The following SYT11 variants were observed in gnomAD, a reference collection of about 807,000 sequenced individuals.
SYT11 encodes the protein synaptotagmin-11.
In SYT11, 12 loss-of-function variants were observed where a neutral mutation model predicts 30.4. The observed-to-expected ratio is 0.39, with a 90% CI of 0.25 to 0.64. The LOEUF is 0.64. Ranked by LOEUF, SYT11 falls within the 30% of genes least tolerant of loss-of-function variation. The pLI, the probability that SYT11 is intolerant of heterozygous loss-of-function variation, is 0.45. For missense variants in SYT11, 412 were observed against 552.0 expected, an observed-to-expected ratio of 0.75 and a Z score of 2.54; for synonymous variants, 204 against 216.0, an observed-to-expected ratio of 0.94 and a Z score of 0.49.
At chr1:155,870,372 G>C (rs562605959) in intron 2 of SYT11, among the ~76,000 whole-genome samples, 1 of 152,156 alleles carries the variant, frequency 6.6e-6, no homozygotes, top group African/African-American at 2.4e-5. Context: ...AATTGTGACC[G>C]TTACTATTAT....
intron 1 of SYT11, 59 bp downstream of exon 1, chr1:155,859,854 G>A: frequency 6.5e-7 from 1 of 1,527,534 alleles, no homozygotes; most frequent in South Asian, 1.1e-5. Context: ...AGGCCAAGGG[G>A]GCCCAGCGGC....
intron 1 of SYT11, among the ~76,000 whole-genome samples, chr1:155,861,993 G>T (rs974068175): frequency 6.6e-6 from 1 of 152,184 alleles, no homozygotes; most frequent in African/African-American, 2.4e-5. Context: ...TTGTCTACTT[G>T]ACTGCGAAAA....
intron 1 of SYT11, 52 bp from the exon 2 acceptor site, chr1:155,867,913 G>A: frequency 1.4e-6 from 2 of 1,387,576 alleles, no homozygotes; most frequent in Non-Finnish European, 2.0e-6. Context: ...GGGAGATCTA[G>A]ACAGGAGGTG....
Position 155,884,416 on chromosome 1 carries a change from C to T in SYT11, c.*2908C>T, listed in dbSNP as rs1673033833. On this transcript the variant is annotated 3_prime_UTR_variant, in exon 4 of 4. Coordinates refer to ENST00000368324, the MANE Select transcript of SYT11 (RefSeq NM_152280.5). Reference sequence around the variant, plus strand: ...CTAGGAACTGCCTCAGTGTCTTTGCCAGAAAAAGGCAAAGAGGCGGACAGT... The same window carrying T: ...CTAGGAACTGCCTCAGTGTCTTTGCTAGAAAAAGGCAAAGAGGCGGACAGT... 2 of 152,828 alleles carry T rather than the reference C, an allele frequency of 1.3e-5. No homozygotes were observed. The highest frequency in any genetic ancestry group is 1.3e-4 in the Admixed American group (2 of 15,270). The allele number at this position is 152,828 out of a possible 1,614,324, so 9.5% of individuals were successfully genotyped here.
chr1:155,871,452 T>C lies in SYT11; in HGVS notation c.861+2661T>C, dbSNP rs140275859. The stretch of plus-strand genomic sequence containing the variant: ...AACCAGCTGGACTCCTCCAGACAGC[T>C]ATACACTTGCAGCCCAAGGCTGGGA... On this transcript the variant is annotated intron_variant, in intron 2 of 3. Transcript: ENST00000368324. Among the ~76,000 whole-genome samples the C allele has an allele frequency of 3.3e-5, 5 of 152,312 alleles. No homozygotes were observed. In the East Asian group the frequency reaches 5.8e-4, roughly 18 times the overall value.
chr1:155,877,374 G>A (rs1354063082), intron 2 of SYT11, among the ~76,000 whole-genome samples: 1 of 151,882 alleles, frequency 6.6e-6, no homozygotes, highest in Non-Finnish European at 1.5e-5. Flanking sequence ...AAAGTGCTGG[G>A]AATAGAGTCG....
At chr1:155,859,849 A>G (rs1672521503) in intron 1 of SYT11, 54 bp downstream of exon 1, 2 of 1,549,396 alleles carry the variant, frequency 1.3e-6, no homozygotes, top group Non-Finnish European at 1.8e-6. Context: ...TTGCAAGGCC[A>G]AGGGGGCCCA....
In SYT11 at chr1:155,868,563, G is replaced by A. The variant is rs1672727407; in HGVS notation, c.633G>A (p.Lys211=). Residue 211 remains lysine, a synonymous_variant, in exon 2 of 4, where the codon AAG becomes AAA. Transcript: ENST00000368324. This position sits in a 1 kb window ranked among gnomAD's most constrained non-coding sequence, Gnocchi z 4.7. ...TTCCTGACAAACGGCATCGGGTGAA[G>A]ACCAGAGTGCTGCGGAAGACCCTGG... The part of the protein sequence containing the change: ...TILPDKRHRV[K]TRVLRKTLDP... 6.2e-7 allele frequency: 1 copy of A among 1,614,200 alleles called. No individual in the cohort carries two copies. The highest frequency in any genetic ancestry group is 8.5e-7 in the Non-Finnish European group (1 of 1,180,032).
In SYT11 at chr1:155,868,542, T is replaced by C. The variant is rs1166493541; in HGVS notation, c.612T>C (p.Pro204=). 2.5e-6 allele frequency: 4 copies of C among 1,614,190 alleles called. No individual in the cohort carries two copies. Among genetic ancestry groups the C allele is most frequent in the South Asian group, 1.1e-5 (1 of 91,084 alleles). ...CCTACATCAAAATGACCATCCTTCC[T>C]GACAAACGGCATCGGGTGAAGACCA... ...SDPYIKMTIL[P]DKRHRVKTRV... The change falls in exon 2 of 4, where the codon CCT becomes CCC. Residue 204 remains proline (P), a synonymous_variant. Transcript: ENST00000368324. This position sits in a 1 kb window ranked among gnomAD's most constrained non-coding sequence, Gnocchi z 4.7.
In SYT11 at chr1:155,859,577, C is replaced by T. The variant is rs546801716; in HGVS notation, c.-185C>T. On this transcript the variant is annotated 5_prime_UTR_variant, in exon 1 of 4. Coordinates refer to ENST00000368324, the MANE Select transcript of SYT11 (RefSeq NM_152280.5). ...CTGCATCCTTAGCTCAGCGCATCCC[C>T]GGAGCATCTTAAGAGCTGAGCGCAG... is the stretch of plus-strand genomic sequence containing the variant. The T allele has an allele frequency of 9.2e-6, 6 of 654,480 alleles. No individual in the cohort carries two copies. The highest frequency in any genetic ancestry group is 1.8e-5 in the African/African-American group (1 of 55,668). The allele number at this position is 654,480 out of a possible 1,614,324, so 40.5% of individuals were successfully genotyped here.
Position 155,881,714 on chromosome 1 carries a change from G to A in SYT11, c.*206G>A, listed in dbSNP as rs530395388. On this transcript the variant is annotated 3_prime_UTR_variant, in exon 4 of 4. Coordinates refer to ENST00000368324, the MANE Select transcript of SYT11 (RefSeq NM_152280.5). The stretch of plus-strand genomic sequence containing the variant: ...TGTTTTTTTTTCTGCTTTGCAAGGC[G>A]CTAGAATCTTTTATTTTACTTTATT... 5 of 459,742 alleles carry A rather than the reference G, an allele frequency of 1.1e-5. No individual in the cohort carries two copies. The highest frequency in any genetic ancestry group is 3.4e-5 in the East Asian group (1 of 29,506). 28.5% of individuals were successfully genotyped at this position (459,742 alleles called of 1,614,324 possible).
chr1:155,868,053 C>T lies in SYT11; in HGVS notation c.123C>T (p.His41=), dbSNP rs748423542. 2.5e-6 allele frequency: 4 copies of T among 1,613,874 alleles called. 1 individual carries two copies. Among genetic ancestry groups the T allele is most frequent in the Non-Finnish European group, 3.4e-6 (4 of 1,179,952 alleles). ...SVTVFVWSCC[H]QQAEKKQKNP... Reference sequence around the variant, plus strand: ...CCGTCTTTGTCTGGTCATGCTGCCACCAGCAGGCAGAGAAGAAGCAGAAGA... The same window carrying T: ...CCGTCTTTGTCTGGTCATGCTGCCATCAGCAGGCAGAGAAGAAGCAGAAGA... The change falls in exon 2 of 4, where the codon CAC becomes CAT. Residue 41 remains histidine, a synonymous_variant. Transcript: ENST00000368324. This position sits in a 1 kb window ranked among gnomAD's most constrained non-coding sequence, Gnocchi z 4.7.
In SYT11 at chr1:155,868,671, C is replaced by T. The variant is rs1672730137; in HGVS notation, c.741C>T (p.Leu247=). The T allele has an allele frequency of 4.3e-6, 7 of 1,614,114 alleles. No homozygotes were observed. Among genetic ancestry groups the T allele is most frequent in the Non-Finnish European group, 4.2e-6 (5 of 1,180,048 alleles). The part of the protein sequence containing the change: ...LQDLVLHFLV[L]SFDRFSRDDV... ...ACCTGGTGCTGCACTTCCTTGTCCT[C>T]AGCTTTGACCGCTTCTCTCGGGATG... The change falls in exon 2 of 4, where the codon CTC becomes CTT. Residue 247 remains leucine (L), a synonymous_variant. Coordinates refer to ENST00000368324, the MANE Select transcript of SYT11 (RefSeq NM_152280.5). The surrounding 1 kb of genome is among the most constrained non-coding windows in gnomAD (Gnocchi z 4.7).
intron 2 of SYT11, among the ~76,000 whole-genome samples, chr1:155,876,731 C>T (rs1202717739): frequency 6.6e-6 from 1 of 152,112 alleles, no homozygotes; most frequent in Admixed American, 6.6e-5. Flanking sequence ...ATCTCCTCTG[C>T]CACAGCCCTA....
chr1:155,861,305 C>T (rs1447905902), intron 1 of SYT11, among the ~76,000 whole-genome samples: 1 of 152,196 alleles, frequency 6.6e-6, no homozygotes. Flanking sequence ...ATCACATGAG[C>T]AATCCATGAT....
Position 155,867,846 on chromosome 1 carries a change from T to C in SYT11, c.35-119T>C, listed in dbSNP as rs77813863. 2,548 of 781,118 alleles carry C rather than the reference T, an allele frequency of 3.3e-3. 46 individuals carry two copies. In the African/African-American group the frequency reaches 0.04, roughly 12 times the overall value. The allele number at this position is 781,118 out of a possible 1,614,324, so 48.4% of individuals were successfully genotyped here. On this transcript the variant is annotated intron_variant, in intron 1 of 3. Transcript: ENST00000368324. ...AAATTCTGAAGCCCAGATGAGCACA[T>C]TTTGCTTTAGAGGCTAGATTGAAGA...
In SYT11 at chr1:155,882,543, G is replaced by A. The variant is rs1321739607; in HGVS notation, c.*1035G>A. ...AACTGACAGACCTAACTGAAGCACA[G>A]AGAATACATCAGACTTATGCATCCA... On this transcript the variant is annotated 3_prime_UTR_variant, in exon 4 of 4. Transcript: ENST00000368324. 6.6e-6 allele frequency: 1 copy of A among 152,332 alleles called. No homozygotes were observed. The highest frequency in any genetic ancestry group is 6.5e-5 in the Admixed American group (1 of 15,276). The allele number at this position is 152,332 out of a possible 1,614,324, so 9.4% of individuals were successfully genotyped here. A position where few individuals can be genotyped will look rare whatever the true frequency, so the allele number is the denominator to read the frequency against.
At chr1:155,873,287 G>A (rs1485650934) in intron 2 of SYT11, among the ~76,000 whole-genome samples, 4 of 152,042 alleles carry the variant, frequency 2.6e-5, no homozygotes, top group Non-Finnish European at 5.9e-5. Context: ...TTAGCTGGGC[G>A]TGGTGGCACG....
chr1:155,874,589 T>TTC (rs1553226169), intron 2 of SYT11, among the ~76,000 whole-genome samples: 5 of 141,496 alleles, frequency 3.5e-5, no homozygotes, highest in African/African-American at 5.2e-5. Flanking sequence ...AGTGAGACCC[T>TTC]ATCTCAAAAA....
Sources: gnomAD v4.1 joint callset for allele counts (sites outside exome capture counted in the v4.1 genomes callset) on GRCh38, gnomAD v4.1.1 for gene constraint, Gnocchi (gnomAD v3.1) non-coding constraint, MANE v1.5 for transcripts, NCBI Gene and HGNC (gene_info 2026-07-23, HGNC 2026-07-21) for gene names.